INPP4B: variants seen among roughly 807,000 people sequenced by gnomAD.
The protein encoded by INPP4B is inositol polyphosphate 4-phosphatase type II.
INPP4B carries 55 observed loss-of-function variants against 122.5 expected under a neutral mutation model. The ratio of observed to expected loss-of-function variants is 0.45; its 90% CI spans 0.36 to 0.56. The LOEUF (loss-of-function observed/expected upper bound fraction) is 0.56, where lower values mean the gene tolerates loss of function less well. Among genes scored for constraint, INPP4B ranks in the 20% least tolerant of loss-of-function variants. The pLI is 0.00. For missense variants in INPP4B, 1,000 were observed against 1,097.7 expected (o/e 0.91, Z 1.26); for synonymous variants, 403 against 388.7 (o/e 1.04, Z -0.43).
intron 21 of INPP4B, among the ~76,000 whole-genome samples, chr4:142,117,746 T>A (rs1794406979): frequency 6.6e-6 from 1 of 151,914 alleles, no homozygotes; most frequent in Non-Finnish European, 1.5e-5. Context: ...AGGGATGCCC[T>A]CTCTCACCAC....
chr4:142,488,935 G>A lies in INPP4B; in HGVS notation c.-190-26209C>T, dbSNP rs566502212. ...ACTCTCCCTTTTCAAGCCTTTTAAC[G>A]TGAAAACTTAGTTAACTAATATGAA... is the stretch of plus-strand genomic sequence containing the variant. On this transcript the variant is annotated intron_variant, in intron 2 of 25. Coordinates refer to ENST00000262992, the MANE Select transcript of INPP4B (RefSeq NM_001101669.3). 5.3e-5 allele frequency among the ~76,000 whole-genome samples: 8 copies of A among 151,544 alleles called. No homozygotes were observed. In the South Asian group the frequency reaches 1.2e-3, roughly 24 times the overall value.
At chr4:142,414,201 A>T (rs1805192276) in intron 5 of INPP4B, among the ~76,000 whole-genome samples, 1 of 150,130 alleles carries the variant, frequency 6.7e-6, no homozygotes, top group African/African-American at 2.5e-5. Flanking sequence ...AAAGTTTGTT[A>T]TTTTTTTTAC....
intron 10 of INPP4B, among the ~76,000 whole-genome samples, chr4:142,261,179 T>C (rs1030395940): frequency 9.9e-5 from 15 of 152,170 alleles, no homozygotes; most frequent in African/African-American, 3.1e-4. Context: ...GAAGAGCACA[T>C]GGACATGTTC....
chr4:142,450,977 C>A (rs913838415), intron 3 of INPP4B, among the ~76,000 whole-genome samples: 10 of 148,572 alleles, frequency 6.7e-5, no homozygotes, highest in Admixed American at 6.1e-4. Flanking sequence ...AAATTAACTC[C>A]CCCCCCCAAA....
chr4:142,092,973 GACTA>G (rs1444381719), intron 23 of INPP4B, among the ~76,000 whole-genome samples: 1 of 152,160 alleles, frequency 6.6e-6, no homozygotes, highest in East Asian at 1.9e-4. Flanking sequence ...GTGGGCTTCT[GACTA>G]TCTTTTGACT....
chr4:142,317,995 T>C (rs1214294137), intron 7 of INPP4B, among the ~76,000 whole-genome samples: 1 of 152,100 alleles, frequency 6.6e-6, no homozygotes, highest in African/African-American at 2.4e-5. Flanking sequence ...AGGGAAGGCA[T>C]TGAATAGTAG....
At chr4:142,443,453 A>G (rs1328608658) in intron 3 of INPP4B, among the ~76,000 whole-genome samples, 1 of 152,148 alleles carries the variant, frequency 6.6e-6, no homozygotes, top group Non-Finnish European at 1.5e-5. Context: ...TTGAAATTAG[A>G]AAGGGAGGAG....
rs1357846333 is a variant in INPP4B at position 142,023,774 on chromosome 4, T to G, written c.*5008A>C. ...AACTGTATTTACTAAAATATATTTT[T>G]TTTGGCAAGATGTGATTTATCAGGC... On this transcript the variant is annotated 3_prime_UTR_variant, in exon 26 of 26. Transcript: ENST00000262992. 3 of 152,160 alleles carry G rather than the reference T, an allele frequency of 2.0e-5. No homozygotes were observed. Among genetic ancestry groups the G allele is most frequent in the South Asian group, 2.1e-4 (1 of 4,832 alleles). 9.4% of individuals were successfully genotyped at this position (152,160 alleles called of 1,614,324 possible). A position where few individuals can be genotyped will look rare whatever the true frequency, so the allele number is the denominator to read the frequency against.
intron 15 of INPP4B, among the ~76,000 whole-genome samples, chr4:142,185,462 A>T (rs1832749638): frequency 6.6e-6 from 1 of 151,768 alleles, no homozygotes; most frequent in Admixed American, 6.6e-5. Context: ...TAATATCCAA[A>T]CTCAGTACTC....
At chr4:142,590,588 G>A (rs145524486) in intron 2 of INPP4B, among the ~76,000 whole-genome samples, 12 of 152,232 alleles carry the variant, frequency 7.9e-5, no homozygotes, top group African/African-American at 2.9e-4. Context: ...TGGAAAGGGA[G>A]ATTACAGATT....
intron 12 of INPP4B, among the ~76,000 whole-genome samples, chr4:142,234,290 A>C (rs1855730735): frequency 6.6e-6 from 1 of 152,108 alleles, no homozygotes; most frequent in African/African-American, 2.4e-5. Context: ...TTTGTCTTCC[A>C]AATTACAGAC....
At chr4:142,737,312 T>G (rs1264982366) in intron 1 of INPP4B, among the ~76,000 whole-genome samples, 3 of 152,022 alleles carry the variant, frequency 2.0e-5, no homozygotes, top group African/African-American at 7.3e-5. Flanking sequence ...ATGCCACATA[T>G]CTACAACCAT....
chr4:142,556,822 C>T (rs1729295071), intron 2 of INPP4B, among the ~76,000 whole-genome samples: 1 of 152,106 alleles, frequency 6.6e-6, no homozygotes, highest in Non-Finnish European at 1.5e-5. Flanking sequence ...ACGCAAATTG[C>T]AGGGGAAAGT....
chr4:142,250,588 T>C (rs568657577), intron 11 of INPP4B, among the ~76,000 whole-genome samples: 3 of 152,358 alleles, frequency 2.0e-5, no homozygotes, highest in African/African-American at 7.2e-5. Context: ...CAAAGTCATA[T>C]ACATATTCTA....
intron 15 of INPP4B, among the ~76,000 whole-genome samples, chr4:142,178,320 G>A (rs1257207229): frequency 6.6e-6 from 1 of 152,060 alleles, no homozygotes; most frequent in African/African-American, 2.4e-5. Flanking sequence ...CTACCACTAG[G>A]ATTATTGTAA....
chr4:142,750,649 G>A (rs1769544128), intron 1 of INPP4B, among the ~76,000 whole-genome samples: 1 of 152,136 alleles, frequency 6.6e-6, no homozygotes, highest in South Asian at 2.1e-4. Context: ...ATGGGAAGAG[G>A]TCTGAGAGCA....
chr4:142,582,647 A>C (rs2150208805), intron 2 of INPP4B, among the ~76,000 whole-genome samples: 1 of 152,276 alleles, frequency 6.6e-6, no homozygotes, highest in African/African-American at 2.4e-5. Context: ...GGTCTTTTGT[A>C]AAAACCTTGC....
intron 25 of INPP4B, among the ~76,000 whole-genome samples, chr4:142,080,313 T>A (rs1773228369): frequency 6.6e-6 from 1 of 152,032 alleles, no homozygotes; most frequent in Non-Finnish European, 1.5e-5. Context: ...CAGAGGGAAA[T>A]GAAGGCAGTT....
At chr4:142,412,491 T>A (rs1398096578) in intron 5 of INPP4B, among the ~76,000 whole-genome samples, 1 of 152,116 alleles carries the variant, frequency 6.6e-6, no homozygotes, top group Non-Finnish European at 1.5e-5. Flanking sequence ...ATAATTCAAT[T>A]ATATATAGTA....
Sources: gnomAD v4.1 joint callset for allele counts (sites outside exome capture counted in the v4.1 genomes callset) on GRCh38, gnomAD v4.1.1 for gene constraint, MANE v1.5 for transcripts, NCBI Gene and HGNC (gene_info 2026-07-23, HGNC 2026-07-21) for gene names.